The following GTF3C3 variants were observed in gnomAD, a reference collection of about 807,000 sequenced individuals.
The protein encoded by GTF3C3 is general transcription factor IIIC subunit 3, also known as general transcription factor 3C polypeptide 3.
GTF3C3 carries 75 observed loss-of-function variants against 105.2 expected under a neutral mutation model. That is an observed-to-expected ratio of 0.71 (90% CI 0.59 to 0.86). The LOEUF (loss-of-function observed/expected upper bound fraction) is 0.86. Among genes scored for constraint, GTF3C3 ranks in the 40% least tolerant of loss-of-function variants. GTF3C3 has a pLI of 0.00. For missense variants in GTF3C3, 856 were observed against 1,076.5 expected, an observed-to-expected ratio of 0.80 and a Z score of 2.87; for synonymous variants, 335 against 370.4, an observed-to-expected ratio of 0.90 and a Z score of 1.10.
chr2:196,776,457 A>C lies in GTF3C3; in HGVS notation c.1563T>G (p.Thr521=), dbSNP rs779019345. The C allele has an allele frequency of 6.2e-7, 1 of 1,614,106 alleles. No individual in the cohort carries two copies. The highest frequency in any genetic ancestry group is 1.7e-5 in the Admixed American group (1 of 60,030). Residue 521 remains threonine, a synonymous_variant, in exon 11 of 18, where the codon ACT becomes ACG. Coordinates refer to ENST00000263956, the MANE Select transcript of GTF3C3 (RefSeq NM_012086.5). This position sits in a 1 kb window ranked among gnomAD's most constrained non-coding sequence, Gnocchi z 4.5. ...EALEPMYDPD[T]LAQDANAAQQ... ...GTGCAGCATTTGCATCCTGTGCTAA[A>C]GTATCTGGATCATACATTGGTTCCA...
At chr2:196,778,182 C>A (rs1699288955) in intron 10 of GTF3C3, 2 of 152,184 alleles carry the variant, frequency 1.3e-5, no homozygotes, top group Admixed American at 1.3e-4. Context: ...GAAACCAAGA[C>A]TATTCGATCT....
intron 14 of GTF3C3, among the ~76,000 whole-genome samples, chr2:196,772,466 T>C (rs1486292459): frequency 6.6e-6 from 1 of 152,168 alleles, no homozygotes; most frequent in East Asian, 1.9e-4. Flanking sequence ...GAGAATCGCT[T>C]GAACCTGGGA....
chr2:196,797,976 AT>A, intron 1 of GTF3C3, 68 bp from the exon 2 acceptor site: 1 of 916,238 alleles, frequency 1.1e-6, no homozygotes, highest in Non-Finnish European at 1.8e-6. Flanking sequence ...GCCACAGAGT[AT>A]CTGGTTCTAG....
At chr2:196,768,687 A>G (rs1401629234) in intron 16 of GTF3C3, among the ~76,000 whole-genome samples, 3 of 152,118 alleles carry the variant, frequency 2.0e-5, no homozygotes, top group African/African-American at 7.2e-5. Context: ...AGTCCAATGA[A>G]CTTCCATATT....
In GTF3C3 at chr2:196,772,993, T is replaced by C. The variant is rs1028987207; in HGVS notation, c.1992A>G (p.Lys664=). 1 of 1,611,380 alleles carries C rather than the reference T, an allele frequency of 6.2e-7. No homozygotes were observed. Among genetic ancestry groups the C allele is most frequent in the Non-Finnish European group, 8.5e-7 (1 of 1,179,178 alleles). The change falls in exon 14 of 18, where the codon AAA becomes AAG. Residue 664 remains lysine, a synonymous_variant. Coordinates refer to ENST00000263956, the MANE Select transcript of GTF3C3 (RefSeq NM_012086.5). ...GACCAAAGTATTCTAGTTCTTTGCG[T>C]TTTTGCCTGTCATCATAAAATGAGT... is the stretch of plus-strand genomic sequence containing the variant. ...EYYSFYDDRQ[K]RKELEYFGLS... is the part of the protein sequence containing the mutation.
chr2:196,781,289 T>C (rs1699345243), intron 8 of GTF3C3, among the ~76,000 whole-genome samples: 1 of 139,438 alleles, frequency 7.2e-6, no homozygotes, highest in South Asian at 2.3e-4. Flanking sequence ...CTTCCATACC[T>C]TCAGGTTCCA....
intron 13 of GTF3C3, among the ~76,000 whole-genome samples, chr2:196,773,934 C>T (rs1413306551): frequency 1.3e-5 from 2 of 152,198 alleles, no homozygotes; most frequent in Admixed American, 1.3e-4. Context: ...CGGCCCAGTC[C>T]CTAGCAGGCC....
In GTF3C3 at chr2:196,776,909, G is replaced by A. The variant is rs892625787; in HGVS notation, c.1391-280C>T. Reference sequence around the variant, plus strand: ...ACTGTCTTCATTGGCATTTTGAATGGTTACATAATCAAACTGATTATGTAA... The same window carrying A: ...ACTGTCTTCATTGGCATTTTGAATGATTACATAATCAAACTGATTATGTAA... On this transcript the variant is annotated intron_variant, in intron 10 of 17. Transcript: ENST00000263956. This position sits in a 1 kb window ranked among gnomAD's most constrained non-coding sequence, Gnocchi z 4.5. Among the ~76,000 whole-genome samples, 1 of 152,024 alleles carries A rather than the reference G, an allele frequency of 6.6e-6. No individual in the cohort carries two copies. Among genetic ancestry groups the A allele is most frequent in the African/African-American group, 2.4e-5 (1 of 41,372 alleles).
chr2:196,765,048 A>G (rs957518552), intron 17 of GTF3C3, among the ~76,000 whole-genome samples: 96 of 152,236 alleles, frequency 6.3e-4, no homozygotes, highest in African/African-American at 2.1e-3. Flanking sequence ...CTATAAAGGG[A>G]AAGATTGGTA....
Position 196,764,473 on chromosome 2 carries a change from T to C in GTF3C3, c.*90A>G. The C allele has an allele frequency of 8.8e-7, 1 of 1,136,712 alleles. No individual in the cohort carries two copies. Among genetic ancestry groups the C allele is most frequent in the Admixed American group, 2.5e-5 (1 of 40,488 alleles). 70.4% of individuals were successfully genotyped at this position (1,136,712 alleles called of 1,614,324 possible). On this transcript the variant is annotated 3_prime_UTR_variant, in exon 18 of 18. Coordinates refer to ENST00000263956, the MANE Select transcript of GTF3C3 (RefSeq NM_012086.5). Reference sequence around the variant, plus strand: ...TAGGTAATTCTGAAATTGTCATTTCTATTTTGGAGTTACAAATAATAAGCC... The same window carrying C: ...TAGGTAATTCTGAAATTGTCATTTCCATTTTGGAGTTACAAATAATAAGCC...
At chr2:196,772,501 CTG>C (rs1699191045) in intron 14 of GTF3C3, among the ~76,000 whole-genome samples, 1 of 152,118 alleles carries the variant, frequency 6.6e-6, no homozygotes, top group Admixed American at 6.5e-5. Flanking sequence ...TGAGCCGAGA[CTG>C]TGTCATTGCA....
At position 196,764,416 on chromosome 2, in the gene GTF3C3, T is replaced by G. The variant is rs2125735924; in HGVS notation, c.*147A>C. On this transcript the variant is annotated 3_prime_UTR_variant, in exon 18 of 18. Transcript: ENST00000263956. ...TTTTGCATATATACCACAAGATCAT[T>G]ATCACATATTAAAAATAAATACACT... 1.4e-6 allele frequency: 1 copy of G among 712,802 alleles called. No individual in the cohort carries two copies. The highest frequency in any genetic ancestry group is 2.2e-6 in the Non-Finnish European group (1 of 462,286). The allele number at this position is 712,802 out of a possible 1,614,324, so 44.2% of individuals were successfully genotyped here.
chr2:196,778,497 T>A (rs1175704495), intron 10 of GTF3C3: 6 of 182,742 alleles, frequency 3.3e-5, no homozygotes, highest in African/African-American at 4.8e-5. Flanking sequence ...ATTTTGAGTA[T>A]GTGTGGCTCA....
At chr2:196,784,831 C>CT (rs1699424923) in intron 8 of GTF3C3, 26 bp downstream of exon 8, 3 of 1,588,150 alleles carry the variant, frequency 1.9e-6, no homozygotes, top group Admixed American at 3.7e-5. Context: ...ATTATATACA[C>CT]TTTCCTAAGC....
In GTF3C3 at chr2:196,776,824, A is replaced by T. The variant is rs1699267546; in HGVS notation, c.1391-195T>A. 6.6e-6 allele frequency among the ~76,000 whole-genome samples: 1 copy of T among 152,092 alleles called. No homozygotes were observed. The highest frequency in any genetic ancestry group is 1.5e-5 in the Non-Finnish European group (1 of 68,024). On this transcript the variant is annotated intron_variant, in intron 10 of 17. Transcript: ENST00000263956. This position sits in a 1 kb window ranked among gnomAD's most constrained non-coding sequence, Gnocchi z 4.5. ...TAATAAATTTAAATTGCTAAGGAGT[A>T]ATCAGTGTATACATATAATTTAGGG...
chr2:196,792,772 C>T (rs1056921660), intron 3 of GTF3C3, among the ~76,000 whole-genome samples, 184 bp downstream of exon 3: 3 of 151,890 alleles, frequency 2.0e-5, no homozygotes, highest in African/African-American at 7.3e-5. Flanking sequence ...CCACCATGCC[C>T]GGCTATAATT....
chr2:196,789,469 T>C, intron 5 of GTF3C3, 100 bp from the exon 6 acceptor site: 1 of 728,038 alleles, frequency 1.4e-6, no homozygotes, highest in Non-Finnish European at 2.2e-6. Context: ...AACTAATCCA[T>C]CAAATGGAAC....
chr2:196,785,861 C>T (rs1192826093), intron 6 of GTF3C3, among the ~76,000 whole-genome samples: 1 of 152,118 alleles, frequency 6.6e-6, no homozygotes, highest in East Asian at 1.9e-4. Context: ...ACTCTTCTAC[C>T]TCAACAGATC....
chr2:196,766,729 G>A lies in GTF3C3; in HGVS notation c.2386-12C>T. ...AGAAAGGAAAAGCCCTAACCAAAAA[G>A]AAAAAGATAATTCAATATTTCACTG... is the stretch of plus-strand genomic sequence containing the variant. On this transcript the variant is annotated splice_polypyrimidine_tract_variant and intron_variant, in intron 16 of 17. Coordinates refer to ENST00000263956, the MANE Select transcript of GTF3C3 (RefSeq NM_012086.5). 6.3e-7 allele frequency: 1 copy of A among 1,596,884 alleles called. No individual in the cohort carries two copies. Among genetic ancestry groups the A allele is most frequent in the Admixed American group, 1.8e-5 (1 of 56,512 alleles).
Sources: allele counts gnomAD v4.1 joint callset (sites outside exome capture counted in the v4.1 genomes callset), GRCh38; gene constraint gnomAD v4.1.1; non-coding constraint Gnocchi (gnomAD v3.1); transcripts MANE v1.5; gene names NCBI Gene and HGNC (gene_info 2026-07-23, HGNC 2026-07-21).